SLIT3: variants seen among roughly 807,000 people sequenced by gnomAD.
SLIT3 encodes slit guidance ligand 3.
A neutral mutation model predicts 184.0 loss-of-function variants in SLIT3; 68 were observed. The ratio of observed to expected loss-of-function variants is 0.37; its 90% CI spans 0.30 to 0.45. SLIT3 has a LOEUF of 0.45. Among genes scored for constraint, SLIT3 ranks in the 20% least tolerant of loss-of-function variants. The pLI, the probability that SLIT3 is intolerant of heterozygous loss-of-function variation, is 1.00. For missense variants in SLIT3, 1,707 were observed against 2,026.0 expected (o/e 0.84, Z 3.02); for synonymous variants, 831 against 828.6 (o/e 1.00, Z -0.05).
chr5:169,032,461 T>C (rs1219505438), intron 4 of SLIT3, among the ~76,000 whole-genome samples: 1 of 152,182 alleles, frequency 6.6e-6, no homozygotes, highest in African/African-American at 2.4e-5. Context: ...AATAGTCATA[T>C]TTAGTTCATA....
chr5:168,959,351 G>A (rs1229008937), intron 4 of SLIT3, among the ~76,000 whole-genome samples: 1 of 152,132 alleles, frequency 6.6e-6, no homozygotes, highest in Non-Finnish European at 1.5e-5. Flanking sequence ...TCTGACAGGT[G>A]TTCAAAGCCA....
At chr5:168,896,682 T>C (rs1041107084) in intron 4 of SLIT3, among the ~76,000 whole-genome samples, 3 of 152,166 alleles carry the variant, frequency 2.0e-5, no homozygotes. Flanking sequence ...TCCCAGCCCC[T>C]ACGAGGCTGG....
intron 4 of SLIT3, among the ~76,000 whole-genome samples, chr5:169,004,197 G>A (rs532173205): frequency 3.3e-5 from 5 of 151,972 alleles, no homozygotes; most frequent in Admixed American, 1.3e-4. Context: ...AGAACAACAC[G>A]AAACCCGAAG....
intron 24 of SLIT3, 127 bp from the exon 25 acceptor site, chr5:168,711,185 G>C (rs1266471823): frequency 3.8e-6 from 3 of 792,502 alleles, no homozygotes; most frequent in Non-Finnish European, 5.7e-6. Context: ...GGGGCCAGCG[G>C]AGTAGTCGTC....
chr5:168,759,032 C>A, intron 16 of SLIT3, among the ~76,000 whole-genome samples: 1 of 152,112 alleles, frequency 6.6e-6, no homozygotes, highest in East Asian at 1.9e-4. Context: ...ACATGAAACA[C>A]AAGTGAATTT....
At chr5:169,120,819 C>T (rs1316295593) in intron 4 of SLIT3, among the ~76,000 whole-genome samples, 2 of 152,150 alleles carry the variant, frequency 1.3e-5, no homozygotes, top group African/African-American at 4.8e-5. Flanking sequence ...CCTCTGCAAT[C>T]ACTGGCCCAC....
rs139729506 is a variant in SLIT3, at chr5:168,755,389, A to ATTTCTTTCTTTCTTTCTTTCTTTCTTTC, written c.1686-1410_1686-1383dup. Among the ~76,000 whole-genome samples the ATTTCTTTCTTTCTTTCTTTCTTTCTTTC allele has an allele frequency of 2.7e-4, 36 of 133,772 alleles. 2 individuals are homozygous for ATTTCTTTCTTTCTTTCTTTCTTTCTTTC. The highest frequency in any genetic ancestry group is 9.4e-4 in the East Asian group (4 of 4,246). 87.8% of individuals were successfully genotyped at this position (133,772 alleles called of 152,430 possible). The stretch of plus-strand genomic sequence containing the variant: ...GTCCTATCAAACCCTCAGTGCCGCC[A>ATTTCTTTCTTTCTTTCTTTCTTTCTTTC]TTTCTTTCTTTCTTTCTTTCTTTCT... On this transcript the variant is annotated intron_variant, in intron 16 of 35. Coordinates refer to ENST00000519560, the MANE Select transcript of SLIT3 (RefSeq NM_003062.4).
At chr5:168,759,185 T>G (rs1173157283) in intron 16 of SLIT3, among the ~76,000 whole-genome samples, 7 of 152,164 alleles carry the variant, frequency 4.6e-5, no homozygotes, top group Non-Finnish European at 1.0e-4. Flanking sequence ...TCACAGTAGT[T>G]ATGTTGTATA....
chr5:169,121,051 T>C lies in SLIT3; in HGVS notation c.413+72428A>G, dbSNP rs932545448. ...TACAGAGGCTAAAGTTAGAGAGGTA[T>C]TAAATGGCCAAATTTACACACCTAG... On this transcript the variant is annotated intron_variant, in intron 4 of 35. Transcript: ENST00000519560. Among the ~76,000 whole-genome samples the C allele has an allele frequency of 3.3e-5, 5 of 152,318 alleles. No homozygotes were observed. The East Asian group carries it at 9.7e-4, about 29-fold the overall frequency.
At chr5:168,669,735 C>T (rs1399844484) in intron 35 of SLIT3, 48 bp downstream of exon 35, 1 of 1,492,704 alleles carries the variant, frequency 6.7e-7, no homozygotes, top group South Asian at 1.1e-5. Context: ...GATGTGAAGT[C>T]CAACTCTGAC....
intron 4 of SLIT3, among the ~76,000 whole-genome samples, chr5:169,017,097 C>T (rs1172558435): frequency 1.3e-5 from 2 of 152,190 alleles, no homozygotes; most frequent in Non-Finnish European, 2.9e-5. Flanking sequence ...TAACTCAGCA[C>T]TTTGTGTGAC....
chr5:168,847,740 C>T (rs1050137337), intron 5 of SLIT3, among the ~76,000 whole-genome samples: 2 of 152,126 alleles, frequency 1.3e-5, no homozygotes, highest in African/African-American at 4.8e-5. Context: ...TGGAGTGGAG[C>T]GTTACTAAAC....
At chr5:168,689,885 T>C (rs1441069867) in intron 29 of SLIT3, among the ~76,000 whole-genome samples, 1 of 152,242 alleles carries the variant, frequency 6.6e-6, no homozygotes, top group Non-Finnish European at 1.5e-5. Context: ...CACATTTTAA[T>C]GAAACACTAA....
At chr5:168,829,246 C>A (rs774209936) in intron 6 of SLIT3, among the ~76,000 whole-genome samples, 1 of 152,224 alleles carries the variant, frequency 6.6e-6, no homozygotes, top group African/African-American at 2.4e-5. Context: ...TTGTAATCTG[C>A]GTGTTGTGTG....
At chr5:169,210,165 G>C (rs1764213802) in intron 3 of SLIT3, among the ~76,000 whole-genome samples, 1 of 152,260 alleles carries the variant, frequency 6.6e-6, no homozygotes. Flanking sequence ...AGTCCACAGT[G>C]AGGGGTGCAT....
chr5:169,105,889 G>A (rs1354264375), intron 4 of SLIT3, among the ~76,000 whole-genome samples: 1 of 152,052 alleles, frequency 6.6e-6, no homozygotes, highest in African/African-American at 2.4e-5. Flanking sequence ...CCATGTCTTT[G>A]CTATTGTGAA....
At chr5:169,270,871 T>C (rs1178746748) in intron 1 of SLIT3, among the ~76,000 whole-genome samples, 2 of 152,150 alleles carry the variant, frequency 1.3e-5, no homozygotes, top group African/African-American at 4.8e-5. Flanking sequence ...TCCTTATCTG[T>C]AGTATGTGGA....
intron 9 of SLIT3, among the ~76,000 whole-genome samples, chr5:168,804,560 A>G (rs974751720): frequency 6.6e-6 from 1 of 152,046 alleles, no homozygotes. Context: ...TTAAAACCCT[A>G]AGGGAATGAA....
rs1338205205 is a variant in SLIT3, at chr5:169,213,662, C to T, written c.342-20112G>A. On this transcript the variant is annotated intron_variant, in intron 3 of 35. Coordinates refer to ENST00000519560, the MANE Select transcript of SLIT3 (RefSeq NM_003062.4). ...ACTCACTCCCCTGCTTAATTTTTTC[C>T]AAGTGATGATCTGACCTATTACACA... Among the ~76,000 whole-genome samples the T allele has an allele frequency of 9.2e-5, 14 of 152,306 alleles. No individual in the cohort carries two copies. The East Asian group carries it at 2.5e-3, about 27-fold the overall frequency.
Sources: allele counts gnomAD v4.1 joint callset (sites outside exome capture counted in the v4.1 genomes callset), GRCh38; gene constraint gnomAD v4.1.1; transcripts MANE v1.5; gene names NCBI Gene and HGNC (gene_info 2026-07-23, HGNC 2026-07-21).